NARS2: variants seen among roughly 807,000 people sequenced by gnomAD.
NARS2 encodes asparaginyl-tRNA synthetase.
A neutral mutation model predicts 62.9 loss-of-function variants in NARS2; 60 were observed. The observed-to-expected ratio is 0.95, with a 90% CI of 0.77 to 1.18. NARS2 has a LOEUF of 1.18. Among genes scored for constraint, NARS2 ranks in the 50% most tolerant of loss-of-function variants. The pLI, the probability that NARS2 is intolerant of heterozygous loss-of-function variation, is 0.00. For synonymous variants in NARS2, 196 were observed against 200.0 expected (o/e 0.98, Z 0.17); for missense variants, 619 against 576.4 (o/e 1.07, Z -0.76).
At chr11:78,532,937 C>G (rs1306509813) in intron 5 of NARS2, among the ~76,000 whole-genome samples, 2 of 152,160 alleles carry the variant, frequency 1.3e-5, no homozygotes, top group Non-Finnish European at 2.9e-5. Flanking sequence ...GAAGCCTCAG[C>G]TTCTCCACTT....
At chr11:78,492,728 T>C (rs1859879553) in intron 7 of NARS2, among the ~76,000 whole-genome samples, 1 of 152,194 alleles carries the variant, frequency 6.6e-6, no homozygotes, top group Non-Finnish European at 1.5e-5. Context: ...CCCCATGCTA[T>C]ATGCATTATA....
At chr11:78,524,231 A>T (rs1440883398) in intron 6 of NARS2, among the ~76,000 whole-genome samples, 2 of 152,156 alleles carry the variant, frequency 1.3e-5, no homozygotes, top group African/African-American at 4.8e-5. Flanking sequence ...CATTTAGATT[A>T]TTAGTAATTT....
chr11:78,567,142 A>G (rs759561418), intron 3 of NARS2, among the ~76,000 whole-genome samples: 4 of 152,204 alleles, frequency 2.6e-5, no homozygotes, highest in Non-Finnish European at 5.9e-5. Context: ...CATCAACACC[A>G]ACAGAAGCCA....
intron 7 of NARS2, among the ~76,000 whole-genome samples, chr11:78,484,990 C>G (rs1320031254): frequency 3.3e-5 from 5 of 152,170 alleles, no homozygotes; most frequent in Non-Finnish European, 5.9e-5. Context: ...TCCAAATGCC[C>G]ATCAGTGATA....
chr11:78,553,610 GTTGT>G (rs1856213222), intron 5 of NARS2, among the ~76,000 whole-genome samples: 1 of 152,000 alleles, frequency 6.6e-6, no homozygotes, highest in African/African-American at 2.4e-5. Flanking sequence ...TTTTAATGGG[GTTGT>G]TTTTCTCTTC....
At chr11:78,493,450 A>C (rs1242287484) in intron 6 of NARS2, among the ~76,000 whole-genome samples, 1 of 152,128 alleles carries the variant, frequency 6.6e-6, no homozygotes, top group Non-Finnish European at 1.5e-5. Context: ...TAAACTTAGG[A>C]GTTCAAGACC....
intron 11 of NARS2, among the ~76,000 whole-genome samples, chr11:78,452,419 T>A (rs75715966): frequency 2.0e-5 from 3 of 151,862 alleles, no homozygotes; most frequent in South Asian, 2.1e-4. Context: ...TTTTTTTTTT[T>A]ATTTTTGAGA....
intron 5 of NARS2, among the ~76,000 whole-genome samples, chr11:78,543,530 C>T (rs1000037430): frequency 6.6e-6 from 1 of 152,078 alleles, no homozygotes; most frequent in African/African-American, 2.4e-5. Flanking sequence ...AGAAGAAACG[C>T]TACTTTTCTA....
intron 5 of NARS2, among the ~76,000 whole-genome samples, chr11:78,557,273 C>T (rs1180021706): frequency 6.6e-6 from 1 of 152,036 alleles, no homozygotes; most frequent in African/African-American, 2.4e-5. Context: ...AAAATGTGCA[C>T]CATTACGAGA....
At chr11:78,571,804 T>C (rs138328170) in intron 1 of NARS2, 3,219 of 175,954 alleles carry the variant, frequency 0.018, 50 homozygotes, top group Non-Finnish European at 0.027. Context: ...GGCACATATC[T>C]TGGTGCCTTT....
chr11:78,496,169 T>A (rs915862469), intron 6 of NARS2, among the ~76,000 whole-genome samples: 1 of 152,234 alleles, frequency 6.6e-6, no homozygotes, highest in East Asian at 1.9e-4. Context: ...TGTTGAAAAA[T>A]TGCGTAAGAA....
chr11:78,491,908 A>G (rs1355671992), intron 7 of NARS2, among the ~76,000 whole-genome samples: 3 of 152,148 alleles, frequency 2.0e-5, no homozygotes, highest in African/African-American at 7.2e-5. Context: ...ACTGGGTAAG[A>G]GTAGAAAGAC....
intron 5 of NARS2, chr11:78,558,277 G>C (rs1002666480): frequency 2.0e-5 from 3 of 152,090 alleles, no homozygotes; most frequent in Non-Finnish European, 4.4e-5. Flanking sequence ...GCTGATCAAC[G>C]TCAAGAATTC....
chr11:78,497,766 C>A (rs1196748492), intron 6 of NARS2, among the ~76,000 whole-genome samples: 2 of 152,104 alleles, frequency 1.3e-5, no homozygotes, highest in Non-Finnish European at 2.9e-5. Context: ...GTCCACCATG[C>A]AATACACTTG....
chr11:78,562,443 C>A (rs1269249378), intron 4 of NARS2, among the ~76,000 whole-genome samples: 1 of 152,076 alleles, frequency 6.6e-6, no homozygotes, highest in Non-Finnish European at 1.5e-5. Context: ...ACAACAACAA[C>A]AAAAATACTT....
In NARS2 at chr11:78,528,590, C is replaced by T. The variant is rs4369437; in HGVS notation, c.689+252G>A. Among the ~76,000 whole-genome samples, 51 of 152,062 alleles carry T rather than the reference C, an allele frequency of 3.4e-4. No individual in the cohort carries two copies. In the East Asian group the frequency reaches 9.9e-3, roughly 29 times the overall value. ...TAAATATGATTAATTTAAATAAATT[C>T]TGATTACATGTTTGGGATTCAAGCA... is the stretch of plus-strand genomic sequence containing the variant. On this transcript the variant is annotated intron_variant, in intron 6 of 13. Coordinates refer to ENST00000281038, the MANE Select transcript of NARS2 (RefSeq NM_024678.6).
At chr11:78,556,387 T>C (rs549682865) in intron 5 of NARS2, among the ~76,000 whole-genome samples, 28 of 152,290 alleles carry the variant, frequency 1.8e-4, no homozygotes, top group Middle Eastern at 6.8e-3. Context: ...CTAGTTATAC[T>C]GAAAACCATG....
At position 78,537,089 on chromosome 11, in the gene NARS2, C is replaced by T. The variant is rs568075441; in HGVS notation, c.595-8153G>A. Among the ~76,000 whole-genome samples the T allele has an allele frequency of 7.9e-5, 12 of 152,156 alleles. No homozygotes were observed. In the South Asian group the frequency reaches 1.2e-3, roughly 16 times the overall value. ...AGGTGTGTGGTAGGCTATACCATCT[C>T]GGTTTGCGTAAGTACACTCTATGAT... is the stretch of plus-strand genomic sequence containing the variant. On this transcript the variant is annotated intron_variant, in intron 5 of 13. Transcript: ENST00000281038.
intron 7 of NARS2, 100 bp from the exon 8 acceptor site, chr11:78,478,783 T>G: frequency 1.8e-6 from 1 of 571,252 alleles, no homozygotes; most frequent in Non-Finnish European, 2.9e-6. Context: ...TTAGCAACTA[T>G]AAATCCACCA....
Sources: allele counts gnomAD v4.1 joint callset (sites outside exome capture counted in the v4.1 genomes callset), GRCh38; gene constraint gnomAD v4.1.1; transcripts MANE v1.5; gene names NCBI Gene and HGNC (gene_info 2026-07-23, HGNC 2026-07-21).